The following SKI variants were observed in gnomAD, a reference collection of about 807,000 sequenced individuals.
SKI encodes SKI proto-oncogene.
A neutral mutation model predicts 59.3 loss-of-function variants in SKI; 23 were observed. The ratio of observed to expected loss-of-function variants is 0.39; its 90% CI spans 0.28 to 0.55. The LOEUF (loss-of-function observed/expected upper bound fraction) is 0.55, where lower values mean the gene tolerates loss of function less well. SKI is among the 20% of genes least tolerant of loss of function. SKI has a pLI of 0.67. For synonymous variants in SKI, 673 were observed against 488.6 expected (o/e 1.38, Z -4.98); for missense variants, 1,017 against 1,038.9 (o/e 0.98, Z 0.29).
chr1:2,277,019 G>A lies in SKI; in HGVS notation c.970-25959G>A, dbSNP rs1320078554. ...CACCCAGGAGGCTGCTGTGGGTGCT[G>A]GAGCGGTTGCTTCCATGGAGCTGGG... is the stretch of plus-strand genomic sequence containing the variant. On this transcript the variant is annotated intron_variant, in intron 1 of 6. Transcript: ENST00000378536. 3.3e-5 allele frequency among the ~76,000 whole-genome samples: 5 copies of A among 152,204 alleles called. No individual in the cohort carries two copies. In the East Asian group the frequency reaches 7.7e-4, roughly 23 times the overall value.
chr1:2,309,430 G>A lies in SKI; in HGVS notation c.*2665G>A, dbSNP rs1640687826. The A allele has an allele frequency of 6.6e-6, 1 of 152,266 alleles. No individual in the cohort carries two copies. Among genetic ancestry groups the A allele is most frequent in the Non-Finnish European group, 1.5e-5 (1 of 68,014 alleles). 9.4% of individuals were successfully genotyped at this position (152,266 alleles called of 1,614,324 possible). ...AATGTCTGCTTTTCGTACAGAACTA[G>A]CCAATGTAAAAACAGTTCACCTGTA... On this transcript the variant is annotated 3_prime_UTR_variant, in exon 7 of 7. Coordinates refer to ENST00000378536, the MANE Select transcript of SKI (RefSeq NM_003036.4).
At chr1:2,234,620 G>C (rs984631316) in intron 1 of SKI, among the ~76,000 whole-genome samples, 1 of 152,204 alleles carries the variant, frequency 6.6e-6, no homozygotes, top group African/African-American at 2.4e-5. Flanking sequence ...AGAGAAGGCG[G>C]TGGTTCCGGG....
chr1:2,241,949 C>T (rs372204312), intron 1 of SKI, among the ~76,000 whole-genome samples: 4 of 150,136 alleles, frequency 2.7e-5, no homozygotes, highest in Admixed American at 2.7e-4. Flanking sequence ...GCATGCCTGT[C>T]TGTGTGTGTG....
chr1:2,269,519 T>A lies in SKI; in HGVS notation c.970-33459T>A, dbSNP rs1406061375. Among the ~76,000 whole-genome samples the A allele has an allele frequency of 6.6e-6, 1 of 152,246 alleles. No individual in the cohort carries two copies. The highest frequency in any genetic ancestry group is 1.5e-5 in the Non-Finnish European group (1 of 68,050). ...AAAGCCGTTTTGCAGGCTGGGTTCATCCCCGTTCCAGGCCCGCACTAGTGG... is the reference window on the plus strand; with the variant it reads ...AAAGCCGTTTTGCAGGCTGGGTTCAACCCCGTTCCAGGCCCGCACTAGTGG... On this transcript the variant is annotated intron_variant, in intron 1 of 6. Transcript: ENST00000378536. The surrounding 1 kb of genome is among the most constrained non-coding windows in gnomAD (Gnocchi z 4.7).
At chr1:2,241,093 G>A (rs532062155) in intron 1 of SKI, among the ~76,000 whole-genome samples, 22 of 152,378 alleles carry the variant, frequency 1.4e-4, no homozygotes, top group African/African-American at 5.1e-4. Flanking sequence ...GGATGCTGTG[G>A]GCCCAGAAGG....
intron 1 of SKI, among the ~76,000 whole-genome samples, chr1:2,230,776 C>T (rs1051851759): frequency 2.0e-5 from 3 of 152,168 alleles, no homozygotes; most frequent in Non-Finnish European, 2.9e-5. Context: ...ATTGGCTCAG[C>T]TATTCTTGGG....
At chr1:2,266,347 G>A (rs1304092921) in intron 1 of SKI, among the ~76,000 whole-genome samples, 1 of 152,140 alleles carries the variant, frequency 6.6e-6, no homozygotes, top group East Asian at 1.9e-4. Flanking sequence ...CAGACCCCAG[G>A]CCCTCTGTGT....
At chr1:2,278,039 C>G (rs549856921) in intron 1 of SKI, among the ~76,000 whole-genome samples, 1 of 152,256 alleles carries the variant, frequency 6.6e-6, no homozygotes, top group Non-Finnish European at 1.5e-5. Flanking sequence ...CACCCACTCC[C>G]GATGGCTTCG....
rs1209171999 is a variant in SKI at position 2,306,745 on chromosome 1, G to A, written c.2167G>A (p.Ala723Thr). 6.6e-7 allele frequency: 1 copy of A among 1,525,168 alleles called. No individual in the cohort carries two copies. The highest frequency in any genetic ancestry group is 1.2e-5 in the South Asian group (1 of 82,106). The allele number at this position is 1,525,168 out of a possible 1,614,324, so 94.5% of individuals were successfully genotyped here. The change falls in exon 7 of 7, where the codon GCT (alanine) becomes ACT (threonine). Residue 723 changes from alanine (A) to threonine (T), a missense_variant. Coordinates refer to ENST00000378536, the MANE Select transcript of SKI (RefSeq NM_003036.4). The stretch of plus-strand genomic sequence containing the variant: ...CCCCGAGGCTGCGGGCAGCGAGGGC[G>A]CTGCGGAGCTGGAGCCGTAGATTCC... Reference protein sequence around the residue: ...ARPEAAGSEGAAELEP With the variant: ...ARPEAAGSEGTAELEP
rs971012738 is a variant in SKI at position 2,307,775 on chromosome 1, A to G, written c.*1010A>G. On this transcript the variant is annotated 3_prime_UTR_variant, in exon 7 of 7. Transcript: ENST00000378536. ...ACCTTCCCTTCTCTTTCTATTCCCC[A>G]GTGAACTGAGGTTTTTACCGATTTA... is the stretch of plus-strand genomic sequence containing the variant. 2.0e-5 allele frequency: 3 copies of G among 152,490 alleles called. No individual in the cohort carries two copies. Among genetic ancestry groups the G allele is most frequent in the African/African-American group, 7.2e-5 (3 of 41,418 alleles). 9.4% of individuals were successfully genotyped at this position (152,490 alleles called of 1,614,324 possible). A position where few individuals can be genotyped will look rare whatever the true frequency, so the allele number is the denominator to read the frequency against.
At chr1:2,301,696 G>A (rs1488888303) in intron 1 of SKI, among the ~76,000 whole-genome samples, 1 of 151,836 alleles carries the variant, frequency 6.6e-6, no homozygotes, top group Non-Finnish European at 1.5e-5. Context: ...CTAGAGTCCT[G>A]GAGGTGGGAA....
intron 1 of SKI, among the ~76,000 whole-genome samples, chr1:2,294,425 C>A (rs796750251): frequency 4.6e-5 from 7 of 152,388 alleles, no homozygotes; most frequent in African/African-American, 1.4e-4. Flanking sequence ...CCCCGACTCC[C>A]GCTGGCCTCC....
At chr1:2,248,981 G>A (rs952639036) in intron 1 of SKI, among the ~76,000 whole-genome samples, 1 of 152,240 alleles carries the variant, frequency 6.6e-6, no homozygotes, top group Non-Finnish European at 1.5e-5. Flanking sequence ...CTGGCACGGG[G>A]ACTGTGCCCA....
rs1265148540 is a variant in SKI at position 2,309,301 on chromosome 1, C to T, written c.*2536C>T. On this transcript the variant is annotated 3_prime_UTR_variant, in exon 7 of 7. Transcript: ENST00000378536. ...CCCTTCATCTAAGTGATTGTGTATT[C>T]AGTTTAATTCTCATTATATTTCTAT... is the stretch of plus-strand genomic sequence containing the variant. 1.3e-5 allele frequency: 2 copies of T among 152,158 alleles called. No individual in the cohort carries two copies. Among genetic ancestry groups the T allele is most frequent in the Non-Finnish European group, 2.9e-5 (2 of 68,042 alleles). 9.4% of individuals were successfully genotyped at this position (152,158 alleles called of 1,614,324 possible).
At chr1:2,282,182 GCGGAGA>G in intron 1 of SKI, among the ~76,000 whole-genome samples, 1 of 30,112 alleles carries the variant, frequency 3.3e-5, no homozygotes, top group East Asian at 7.6e-4. Flanking sequence ...ACAGGCGGTG[GCGGAGA>G]TCTTCAGAGA....
chr1:2,255,807 T>G (rs1264622609), intron 1 of SKI, among the ~76,000 whole-genome samples: 1 of 124,442 alleles, frequency 8.0e-6, no homozygotes, highest in Non-Finnish European at 1.7e-5. Context: ...CATTTCCTGT[T>G]TGTGCCACCC....
At position 2,306,577 on chromosome 1, in the gene SKI, A is replaced by G; in HGVS notation, c.1999A>G (p.Ile667Val). The change falls in exon 7 of 7, where the codon ATC (isoleucine) becomes GTC (valine). Residue 667 changes from isoleucine to valine, a missense_variant and splice_region_variant. Transcript: ENST00000378536. ...CGCTGACCACTCGGCTCCCTTTCAG[A>G]TCGAAGACCTGCAGGTGAAGCTGCA... ...GRLRAKYSAQ[I>V]EDLQVKLQHA... 6.5e-7 allele frequency: 1 copy of G among 1,542,026 alleles called. No individual in the cohort carries two copies. The highest frequency in any genetic ancestry group is 8.7e-7 in the Non-Finnish European group (1 of 1,145,414).
chr1:2,295,998 CTG>C (rs934626392), intron 1 of SKI, among the ~76,000 whole-genome samples: 1 of 152,192 alleles, frequency 6.6e-6, no homozygotes, highest in Non-Finnish European at 1.5e-5. Flanking sequence ...ACCTGCCAGA[CTG>C]TTTTCCACAG....
intron 1 of SKI, among the ~76,000 whole-genome samples, chr1:2,284,666 G>A (rs1458741901): frequency 2.6e-5 from 4 of 152,154 alleles, no homozygotes; most frequent in Non-Finnish European, 4.4e-5. Flanking sequence ...CTCTTGCGGC[G>A]GCTCCCTCCC....
Sources: gnomAD v4.1 joint callset for allele counts (sites outside exome capture counted in the v4.1 genomes callset) on GRCh38, gnomAD v4.1.1 for gene constraint, Gnocchi (gnomAD v3.1) non-coding constraint, MANE v1.5 for transcripts, NCBI Gene and HGNC (gene_info 2026-07-23, HGNC 2026-07-21) for gene names.